AGBL4: variants seen among roughly 807,000 people sequenced by gnomAD.
AGBL4 encodes AGBL carboxypeptidase 4.
AGBL4 carries 58 observed loss-of-function variants against 66.4 expected under a neutral mutation model. The ratio of observed to expected loss-of-function variants is 0.87; its 90% confidence interval spans 0.71 to 1.09. The LOEUF is 1.09. Ranked by LOEUF, AGBL4 falls within the 50% of genes least tolerant of loss-of-function variation. The probability of loss-of-function intolerance (pLI) is 0.00; values close to 1 mark genes in which losing one functional copy is unlikely to be tolerated. For synonymous variants in AGBL4, 234 were observed against 222.9 expected, an observed-to-expected ratio of 1.05 and a Z score of -0.44; for missense variants, 579 against 631.0, an observed-to-expected ratio of 0.92 and a Z score of 0.88.
chr1:49,958,113 T>C (rs923280126), intron 1 of AGBL4, among the ~76,000 whole-genome samples: 2 of 152,068 alleles, frequency 1.3e-5, no homozygotes, highest in African/African-American at 4.8e-5. Context: ...TCTCCTTCAC[T>C]TATGAAGCTT....
intron 5 of AGBL4, among the ~76,000 whole-genome samples, chr1:49,025,436 G>T (rs183838129): frequency 9.9e-5 from 15 of 152,250 alleles, no homozygotes; most frequent in African/African-American, 3.4e-4. Context: ...ATGTTCCAGT[G>T]TATTTGGCAG....
At chr1:48,570,505 C>T (rs548508435) in intron 11 of AGBL4, among the ~76,000 whole-genome samples, 1 of 152,066 alleles carries the variant, frequency 6.6e-6, no homozygotes, top group East Asian at 1.9e-4. Flanking sequence ...ATGCCTCATA[C>T]AAGTTTGGTG....
chr1:49,785,490 T>G (rs1172774176), intron 2 of AGBL4, among the ~76,000 whole-genome samples: 2 of 152,084 alleles, frequency 1.3e-5, no homozygotes, highest in African/African-American at 4.8e-5. Flanking sequence ...TAGAAATTTT[T>G]TAAATCATTT....
intron 1 of AGBL4, among the ~76,000 whole-genome samples, chr1:49,944,636 T>TA (rs1202806086): frequency 6.6e-6 from 1 of 151,868 alleles, no homozygotes; most frequent in Non-Finnish European, 1.5e-5. Flanking sequence ...TCTGGTAATA[T>TA]GACAAATAAG....
intron 3 of AGBL4, among the ~76,000 whole-genome samples, chr1:49,370,412 G>A (rs1474707476): frequency 6.6e-6 from 1 of 151,900 alleles, no homozygotes; most frequent in Non-Finnish European, 1.5e-5. Flanking sequence ...TCTATGTTAT[G>A]GTCTTGAGCT....
At chr1:48,653,553 T>G (rs937157298) in intron 7 of AGBL4, 102 bp from the exon 8 acceptor site, 2 of 847,468 alleles carry the variant, frequency 2.4e-6, no homozygotes, top group Admixed American at 4.6e-5. Context: ...TAGGTGATTT[T>G]GGCCTGTGTT....
intron 3 of AGBL4, among the ~76,000 whole-genome samples, chr1:49,361,682 A>T (rs1489639734): frequency 1.3e-5 from 2 of 152,200 alleles, no homozygotes; most frequent in Non-Finnish European, 2.9e-5. Flanking sequence ...GTGCTAAATC[A>T]TTTAAAGTTT....
intron 4 of AGBL4, among the ~76,000 whole-genome samples, chr1:49,195,358 GTC>G (rs1027275958): frequency 1.3e-5 from 2 of 152,174 alleles, no homozygotes; most frequent in Admixed American, 1.3e-4. Flanking sequence ...TGATGATGAA[GTC>G]TCTCTGTATT....
At chr1:49,688,352 T>C (rs959695104) in intron 3 of AGBL4, among the ~76,000 whole-genome samples, 1 of 152,180 alleles carries the variant, frequency 6.6e-6, no homozygotes, top group South Asian at 2.1e-4. Context: ...GTGCAGGGCT[T>C]GTTTCACTTA....
chr1:49,617,284 C>T (rs773443586), intron 3 of AGBL4, among the ~76,000 whole-genome samples: 1 of 152,072 alleles, frequency 6.6e-6, no homozygotes, highest in Admixed American at 6.6e-5. Context: ...CTCAGATAGC[C>T]CTGCAGGTGG....
chr1:48,705,883 C>A (rs1273597293), intron 6 of AGBL4, among the ~76,000 whole-genome samples: 1 of 152,022 alleles, frequency 6.6e-6, no homozygotes, highest in Non-Finnish European at 1.5e-5. Context: ...TTGCACCCAA[C>A]AAAACATTCC....
chr1:49,474,215 G>T (rs759065398), intron 3 of AGBL4, among the ~76,000 whole-genome samples: 11 of 151,960 alleles, frequency 7.2e-5, no homozygotes, highest in Non-Finnish European at 1.5e-4. Context: ...AGATTGCTTT[G>T]GGCAGTATGA....
chr1:48,984,427 G>T (rs1462241303), intron 5 of AGBL4, among the ~76,000 whole-genome samples: 3 of 150,364 alleles, frequency 2.0e-5, no homozygotes, highest in Non-Finnish European at 4.4e-5. Flanking sequence ...TGCACAGCAG[G>T]GCTTTGGCTA....
At chr1:49,262,753 C>T (rs914771295) in intron 3 of AGBL4, among the ~76,000 whole-genome samples, 1 of 152,144 alleles carries the variant, frequency 6.6e-6, no homozygotes. Flanking sequence ...GTGGCGATTC[C>T]TCAGGGATCT....
chr1:49,445,952 A>G (rs545023099), intron 3 of AGBL4, among the ~76,000 whole-genome samples: 82 of 152,230 alleles, frequency 5.4e-4, no homozygotes, highest in African/African-American at 1.9e-3. Context: ...CCTGAGTTCA[A>G]GTGATTCTCC....
chr1:48,525,238 T>G, the AGBL4 span, among the ~76,000 whole-genome samples: 1 of 152,062 alleles, frequency 6.6e-6, no homozygotes, highest in Non-Finnish European at 1.5e-5. Context: ...ACAATAAAAG[T>G]GAAATACCAA....
intron 1 of AGBL4, among the ~76,000 whole-genome samples, chr1:49,962,899 G>C (rs931587177): frequency 4.6e-5 from 7 of 152,084 alleles, no homozygotes; most frequent in African/African-American, 1.7e-4. Flanking sequence ...ATTAAATCAA[G>C]GTCATAAAAG....
At chr1:48,686,850 C>T (rs1646540585) in intron 6 of AGBL4, among the ~76,000 whole-genome samples, 1 of 152,230 alleles carries the variant, frequency 6.6e-6, no homozygotes, top group African/African-American at 2.4e-5. Context: ...AGTCAGTGCC[C>T]AGACTCTGCC....
chr1:49,201,898 T>C (rs1366050090), intron 4 of AGBL4, among the ~76,000 whole-genome samples: 1 of 152,054 alleles, frequency 6.6e-6, no homozygotes, highest in Non-Finnish European at 1.5e-5. Context: ...AGCACATGTA[T>C]ATACGAAATG....
Sources: gnomAD v4.1 joint callset for allele counts (sites outside exome capture counted in the v4.1 genomes callset) on GRCh38, gnomAD v4.1.1 for gene constraint, MANE v1.5 for transcripts, NCBI Gene and HGNC (gene_info 2026-07-23, HGNC 2026-07-21) for gene names.